LIMCH1: variants seen among roughly 807,000 people sequenced by gnomAD.
LIMCH1 encodes the protein LIM and calponin homology domains 1.
Under a neutral mutation model 176.5 loss-of-function variants are expected in LIMCH1, and 113 were observed. The ratio of observed to expected loss-of-function variants is 0.64; its 90% confidence interval spans 0.55 to 0.75. The LOEUF (loss-of-function observed/expected upper bound fraction) is 0.75. Among genes scored for constraint, LIMCH1 ranks in the 30% least tolerant of loss-of-function variants. LIMCH1 has a pLI of 0.00. For missense variants in LIMCH1, 1,674 were observed against 1,814.9 expected (o/e 0.92, Z 1.41); for synonymous variants, 619 against 645.9 (o/e 0.96, Z 0.63).
chr4:41,402,137 A>G (rs1246794716), intron 1 of LIMCH1, among the ~76,000 whole-genome samples: 4 of 152,078 alleles, frequency 2.6e-5, no homozygotes, highest in Non-Finnish European at 5.9e-5. Context: ...CAAGAAAAAA[A>G]CAAACAACCC....
intron 1 of LIMCH1, among the ~76,000 whole-genome samples, chr4:41,391,686 A>T (rs975906914): frequency 3.9e-5 from 6 of 152,176 alleles, no homozygotes; most frequent in African/African-American, 1.4e-4. Context: ...AAATTGAGGG[A>T]CATTCTACAA....
chr4:41,684,363 C>T, intron 26 of LIMCH1, 34 bp from the exon 27 acceptor site: 1 of 1,591,720 alleles, frequency 6.3e-7, no homozygotes, highest in Non-Finnish European at 8.6e-7. Flanking sequence ...TTACTTTTCT[C>T]TCTGCTCTGA....
chr4:41,691,472 C>T (rs1725591465), intron 30 of LIMCH1, among the ~76,000 whole-genome samples: 1 of 151,762 alleles, frequency 6.6e-6, no homozygotes, highest in South Asian at 2.1e-4. Context: ...GCAGGCTGGG[C>T]ACGGTGGCTC....
intron 1 of LIMCH1, among the ~76,000 whole-genome samples, chr4:41,425,903 C>T (rs1023445744): frequency 1.3e-5 from 2 of 151,818 alleles, no homozygotes; most frequent in Non-Finnish European, 2.9e-5. Context: ...TGCTGGGCAG[C>T]TGAGAGTTGG....
At chr4:41,465,845 C>G (rs530263230) in intron 1 of LIMCH1, among the ~76,000 whole-genome samples, 1 of 152,238 alleles carries the variant, frequency 6.6e-6, no homozygotes, top group African/African-American at 2.4e-5. Flanking sequence ...TGGAGCAAAG[C>G]CATACCCATT....
chr4:41,491,734 G>A (rs563909615), intron 1 of LIMCH1, among the ~76,000 whole-genome samples: 12 of 148,092 alleles, frequency 8.1e-5, no homozygotes, highest in South Asian at 4.4e-4. Flanking sequence ...AGATGGGGGC[G>A]GCCAGGCAGA....
chr4:41,567,163 G>A lies in LIMCH1; in HGVS notation c.-241+28813G>A, dbSNP rs186509025. Among the ~76,000 whole-genome samples the A allele has an allele frequency of 2.0e-5, 3 of 152,320 alleles. No individual in the cohort carries two copies. In the East Asian group the frequency reaches 5.8e-4, roughly 29 times the overall value. On this transcript the variant is annotated intron_variant, in intron 1 of 31. Transcript: ENST00000503057. ...AGAATAAAGGATGCTGAGGTTAAGG[G>A]GGGGACCTGCTTGGATTTGAACCCT...
At chr4:41,579,968 G>A (rs2085139893) in intron 1 of LIMCH1, among the ~76,000 whole-genome samples, 1 of 152,186 alleles carries the variant, frequency 6.6e-6, no homozygotes, top group South Asian at 2.1e-4. Flanking sequence ...CTTTGGGGAG[G>A]CACAGCCTTC....
intron 1 of LIMCH1, among the ~76,000 whole-genome samples, chr4:41,399,479 A>G (rs1465764730): frequency 6.6e-6 from 1 of 152,200 alleles, no homozygotes; most frequent in African/African-American, 2.4e-5. Context: ...AAGACTTTCT[A>G]GTTATGAAGA....
intron 1 of LIMCH1, among the ~76,000 whole-genome samples, chr4:41,467,294 G>C (rs1182602421): frequency 6.6e-6 from 1 of 152,076 alleles, no homozygotes; most frequent in Non-Finnish European, 1.5e-5. Context: ...ACATTAGTGT[G>C]CAAGTATCTC....
chr4:41,392,942 A>T (rs184521939), intron 1 of LIMCH1, among the ~76,000 whole-genome samples: 58 of 152,178 alleles, frequency 3.8e-4, no homozygotes, highest in African/African-American at 1.4e-3. Flanking sequence ...TGAGGCAGGA[A>T]TCACTTGAAT....
rs971734429 is a variant in LIMCH1 at position 41,495,930 on chromosome 4, C to T, written c.167+1324C>T. 5.3e-5 allele frequency among the ~76,000 whole-genome samples: 8 copies of T among 152,292 alleles called. No individual in the cohort carries two copies. The East Asian group carries it at 1.3e-3, about 26-fold the overall frequency. Reference sequence around the variant, plus strand: ...TCCTACGAAGTCTCTCCACCCTACTCGTGTATCCCTCACCACCTCTTTTCT... The same window carrying T: ...TCCTACGAAGTCTCTCCACCCTACTTGTGTATCCCTCACCACCTCTTTTCT... On this transcript the variant is annotated intron_variant, in intron 2 of 26. Coordinates refer to the LIMCH1 transcript ENST00000313860.
intron 1 of LIMCH1, among the ~76,000 whole-genome samples, chr4:41,426,585 A>T (rs1257960253): frequency 6.6e-6 from 1 of 152,244 alleles, no homozygotes; most frequent in Non-Finnish European, 1.5e-5. Flanking sequence ...ATTTGAAGAT[A>T]GATTTGGAAA....
chr4:41,409,769 G>C (rs752260466), intron 1 of LIMCH1, among the ~76,000 whole-genome samples: 1 of 152,244 alleles, frequency 6.6e-6, no homozygotes, highest in East Asian at 1.9e-4. Context: ...CTTTACAGCT[G>C]TACCATAATT....
chr4:41,398,400 T>G (rs1212190372), intron 1 of LIMCH1, among the ~76,000 whole-genome samples: 7 of 152,176 alleles, frequency 4.6e-5, no homozygotes, highest in Admixed American at 4.6e-4. Context: ...TTTTCCGTCA[T>G]CCAACTGAGT....
intron 2 of LIMCH1, among the ~76,000 whole-genome samples, chr4:41,521,657 A>G (rs924873205): frequency 3.3e-5 from 5 of 152,210 alleles, no homozygotes; most frequent in South Asian, 2.1e-4. Context: ...TATTATAAAC[A>G]GAACACTGGA....
intron 28 of LIMCH1, among the ~76,000 whole-genome samples, 173 bp downstream of exon 28, chr4:41,686,003 T>C (rs1284741314): frequency 1.3e-5 from 2 of 152,330 alleles, no homozygotes; most frequent in East Asian, 3.9e-4. Flanking sequence ...TGGGTCAGTC[T>C]TTCTGGCAAG....
intron 1 of LIMCH1, among the ~76,000 whole-genome samples, chr4:41,436,531 T>C (rs545747915): frequency 5.3e-5 from 8 of 152,204 alleles, no homozygotes; most frequent in Non-Finnish European, 1.2e-4. Context: ...CATTGTGCTA[T>C]TTGCAGCACA....
At chr4:41,393,895 GTA>G (rs2057525937) in intron 1 of LIMCH1, among the ~76,000 whole-genome samples, 2 of 152,264 alleles carry the variant, frequency 1.3e-5, no homozygotes, top group Non-Finnish European at 2.9e-5. Flanking sequence ...TTTAGGAGAT[GTA>G]TAAAATGGAA....
Sources: allele counts gnomAD v4.1 joint callset (sites outside exome capture counted in the v4.1 genomes callset), GRCh38; gene constraint gnomAD v4.1.1; transcripts MANE v1.5; gene names NCBI Gene and HGNC (gene_info 2026-07-23, HGNC 2026-07-21).